The following TBL1X variants were observed in gnomAD, a reference collection of about 807,000 sequenced individuals.
The protein encoded by TBL1X is F-box-like/WD repeat-containing protein TBL1X.
In TBL1X, 10 loss-of-function variants were observed where a neutral mutation model predicts 50.7. The observed-to-expected ratio is 0.20, with a 90% CI of 0.12 to 0.33. The LOEUF is 0.33. TBL1X is among the 10% of genes least tolerant of loss of function. The pLI is 1.00. For synonymous variants in TBL1X, 190 were observed against 214.7 expected (o/e 0.88, Z 1.01); for missense variants, 340 against 504.4 (o/e 0.67, Z 3.12).
At chrX:9,579,844 G>A (rs1429328124) in intron 2 of TBL1X, among the ~76,000 whole-genome samples, 1 of 111,075 alleles carries the variant, frequency 9.0e-6, no homozygotes, top group Non-Finnish European at 1.9e-5. Context: ...TTCAACCACC[G>A]TGATAGAATG....
intron 1 of TBL1X, among the ~76,000 whole-genome samples, chrX:9,484,549 A>T (rs1321290864): frequency 9.0e-6 from 1 of 110,927 alleles, no homozygotes; most frequent in East Asian, 2.8e-4. Context: ...CTCCCTCAGC[A>T]TCATGATTTT....
intron 6 of TBL1X, among the ~76,000 whole-genome samples, chrX:9,687,712 G>A (rs917818542): frequency 9.7e-6 from 1 of 103,263 alleles, no homozygotes; most frequent in African/African-American, 3.6e-5. Flanking sequence ...GTGCCATCAG[G>A]GATAGCACTT....
At chrX:9,688,336 G>A (rs1454237228) in intron 7 of TBL1X, 61 bp downstream of exon 7, 7 of 1,001,006 alleles carry the variant, frequency 7.0e-6, no homozygotes, top group Non-Finnish European at 9.3e-6. Flanking sequence ...TTCTTCTTGG[G>A]CAAATCCGAA....
intron 3 of TBL1X, among the ~76,000 whole-genome samples, chrX:9,645,699 C>CTG (rs1331879307): frequency 8.9e-6 from 1 of 111,844 alleles, no homozygotes; most frequent in Non-Finnish European, 1.9e-5. Flanking sequence ...TATTTTCGTA[C>CTG]TGAAAGTATT....
chrX:9,598,703 T>TCTGGAGGCCA (rs2082538195), intron 2 of TBL1X, among the ~76,000 whole-genome samples: 1 of 111,538 alleles, frequency 9.0e-6, no homozygotes, highest in Non-Finnish European at 1.9e-5. Flanking sequence ...GTATCCCAGT[T>TCTGGAGGCCA]CTGGAGGCCA....
intron 5 of TBL1X, among the ~76,000 whole-genome samples, chrX:9,673,124 T>G (rs1339731177): frequency 8.9e-6 from 1 of 112,394 alleles, no homozygotes; most frequent in Non-Finnish European, 1.9e-5. Context: ...CCTAATGCCA[T>G]CCCCTTGGGG....
At chrX:9,690,788 G>A (rs2083091714) in intron 7 of TBL1X, among the ~76,000 whole-genome samples, 1 of 111,719 alleles carries the variant, frequency 9.0e-6, no homozygotes, top group South Asian at 3.8e-4. Context: ...GGGTACAGTG[G>A]CACAATCATA....
chrX:9,716,100 A>T, intron 17 of TBL1X, 120 bp from the exon 18 acceptor site: 2 of 738,488 alleles, frequency 2.7e-6, no homozygotes, highest in Non-Finnish European at 4.1e-6. Flanking sequence ...AATAAACTTT[A>T]CTGACAAACA....
intron 2 of TBL1X, among the ~76,000 whole-genome samples, chrX:9,609,411 G>GGTGT (rs749352901): frequency 0.012 from 1,159 of 97,801 alleles, 20 homozygotes; most frequent in African/African-American, 0.042. Flanking sequence ...TCCAGGTAGG[G>GGTGT]GTGTGTGTGT....
At chrX:9,708,139 C>T (rs966642951) in intron 13 of TBL1X, among the ~76,000 whole-genome samples, 13 of 111,989 alleles carry the variant, frequency 1.2e-4, no homozygotes, top group African/African-American at 3.6e-4. Context: ...CCCCTCATTT[C>T]TCCTGGGTAG....
chrX:9,464,317 C>G (rs950851994), upstream of TBL1X, among the ~76,000 whole-genome samples: 9 of 111,251 alleles, frequency 8.1e-5, no homozygotes, highest in Non-Finnish European at 1.5e-4. Flanking sequence ...GTGCCCAGGT[C>G]CCCCCAACCT....
intron 7 of TBL1X, among the ~76,000 whole-genome samples, chrX:9,690,016 C>T (rs1210102350): frequency 1.8e-5 from 2 of 112,267 alleles, no homozygotes; most frequent in Non-Finnish European, 3.8e-5. Context: ...CCTGGGTTTT[C>T]CACCAGAGCA....
chrX:9,668,303 C>T (rs1195806554), intron 5 of TBL1X, among the ~76,000 whole-genome samples: 1 of 108,760 alleles, frequency 9.2e-6, no homozygotes, highest in Non-Finnish European at 1.9e-5. Flanking sequence ...TTATATTCAG[C>T]TATAGGACTC....
intron 2 of TBL1X, among the ~76,000 whole-genome samples, chrX:9,624,626 G>A (rs960326032): frequency 9.0e-6 from 1 of 111,723 alleles, no homozygotes. Flanking sequence ...AGGAAATGGG[G>A]CATCGTGTTT....
intron 2 of TBL1X, among the ~76,000 whole-genome samples, chrX:9,514,320 A>C (rs749927698): frequency 1.2e-5 from 1 of 86,617 alleles, no homozygotes; most frequent in Non-Finnish European, 2.3e-5. Context: ...AAAACCCCAC[A>C]TGACACTGTG....
intron 2 of TBL1X, among the ~76,000 whole-genome samples, chrX:9,517,732 C>A: frequency 8.9e-6 from 1 of 112,161 alleles, no homozygotes; most frequent in Non-Finnish European, 1.9e-5. Flanking sequence ...CAGGATTCTG[C>A]AGGACAGTGC....
At chrX:9,550,594 G>T (rs976125277) in intron 2 of TBL1X, among the ~76,000 whole-genome samples, 1 of 111,918 alleles carries the variant, frequency 8.9e-6, no homozygotes, top group Non-Finnish European at 1.9e-5. Context: ...GAATTCTCTT[G>T]TAGGAGTGTA....
chrX:9,633,181 C>T (rs1319354488), intron 2 of TBL1X, among the ~76,000 whole-genome samples: 2 of 111,684 alleles, frequency 1.8e-5, no homozygotes, highest in African/African-American at 6.5e-5. Context: ...TTTTAAAGAA[C>T]ATTAAAGGTT....
intron 2 of TBL1X, among the ~76,000 whole-genome samples, chrX:9,582,472 A>C (rs139488215): frequency 0.024 from 2,658 of 112,507 alleles, 28 homozygotes; most frequent in Middle Eastern, 0.046. Flanking sequence ...TTTTATCCAA[A>C]TGCATGTATG....
Sources: gnomAD v4.1 joint callset for allele counts (sites outside exome capture counted in the v4.1 genomes callset) on GRCh38, gnomAD v4.1.1 for gene constraint, MANE v1.5 for transcripts, NCBI Gene and HGNC (gene_info 2026-07-23, HGNC 2026-07-21) for gene names.